Variants in GYS1 observed in about 807,000 individuals in gnomAD.
GYS1 encodes glycogen [starch] synthase, muscle.
A neutral mutation model predicts 89.1 loss-of-function variants in GYS1; 60 were observed. The ratio of observed to expected loss-of-function variants is 0.67; its 90% CI spans 0.55 to 0.84. GYS1 has a LOEUF of 0.84. Ranked by LOEUF, GYS1 falls within the 40% of genes least tolerant of loss-of-function variation. The pLI is 0.00. For missense variants in GYS1, 888 were observed against 1,003.1 expected (o/e 0.89, Z 1.55); for synonymous variants, 366 against 401.7 (o/e 0.91, Z 1.06).
chr19:48,985,713 G>A (rs2038832306), intron 4 of GYS1, 108 bp from the exon 5 acceptor site: 6 of 1,506,932 alleles, frequency 4.0e-6, no homozygotes, highest in Middle Eastern at 1.7e-4. Context: ...GGATTCCTGG[G>A]TCTGAGGTAG....
Position 48,978,125 on chromosome 19 carries a change from C to T in GYS1, c.1202G>A (p.Gly401Glu), listed in dbSNP as rs1056476850. The change falls in exon 9 of 16, where the codon GGG becomes GAG. Residue 401 changes from glycine to glutamate, a missense_variant. Physicochemically the swap from Gly to Glu is moderately conservative, Grantham distance 98 (BLOSUM62 -2). Coordinates refer to ENST00000323798, the MANE Select transcript of GYS1 (RefSeq NM_002103.5). The stretch of plus-strand genomic sequence containing the variant: ...CAGTAAGGATTCATAAAGCTTCCTC[C>T]CGAACTTTTCCTTCACCGTGTTGGC... ...DTANTVKEKF[G>E]RKLYESLLVG... The T allele has an allele frequency of 2.5e-6, 4 of 1,614,146 alleles. No individual in the cohort carries two copies. Among genetic ancestry groups the T allele is most frequent in the South Asian group, 2.2e-5 (2 of 91,090 alleles).
chr19:48,991,636 G>C lies in GYS1; in HGVS notation c.119-153C>G. The C allele has an allele frequency of 2.5e-6, 2 of 785,776 alleles. No individual in the cohort carries two copies. Among genetic ancestry groups the C allele is most frequent in the Admixed American group, 4.7e-5 (2 of 42,422 alleles). The allele number at this position is 785,776 out of a possible 1,614,324, so 48.7% of individuals were successfully genotyped here. ...TGGGAGCCCATAGTTTGGAGTAGGGGTTGGAAGCTTGGATGAGGGGAACAC... is the reference window on the plus strand; with the variant it reads ...TGGGAGCCCATAGTTTGGAGTAGGGCTTGGAAGCTTGGATGAGGGGAACAC... On this transcript the variant is annotated intron_variant, in intron 1 of 15. Transcript: ENST00000323798. This position sits in a 1 kb window ranked among gnomAD's most constrained non-coding sequence, Gnocchi z 4.7.
chr19:48,990,120 C>T (rs1387643736), intron 2 of GYS1, among the ~76,000 whole-genome samples: 2 of 152,054 alleles, frequency 1.3e-5, no homozygotes, highest in Non-Finnish European at 2.9e-5. Context: ...TTCCAGACCC[C>T]ACCCCAAACC....
At chr19:48,974,024 G>C (rs931205583) in intron 12 of GYS1, among the ~76,000 whole-genome samples, 189 bp downstream of exon 12, 21 of 152,200 alleles carry the variant, frequency 1.4e-4, no homozygotes, top group African/African-American at 5.1e-4. Context: ...TCAAAACCCA[G>C]TCTTCTAGTT....
chr19:48,982,597 TACCCAGGTGCCCCCTCCCTCAG>T (rs2038783850), intron 6 of GYS1, 101 bp downstream of exon 6: 4 of 874,858 alleles, frequency 4.6e-6, no homozygotes, highest in Admixed American at 1.9e-5. Flanking sequence ...GGAGGCCGAA[TACCCAGGTGCCCCCTCCCTCAG>T]ACCCAGGAGT....
In GYS1 at chr19:48,991,128, C is replaced by G. The variant is rs548661686; in HGVS notation, c.300+174G>C. On this transcript the variant is annotated intron_variant, in intron 2 of 15. Transcript: ENST00000323798. The surrounding 1 kb of genome is among the most constrained non-coding windows in gnomAD (Gnocchi z 4.7). ...CATTCGCCCATGTCTGGGATCCACC[C>G]ACCCACTTCCAGGCCCTGCATCTGT... 6.6e-6 allele frequency among the ~76,000 whole-genome samples: 1 copy of G among 152,226 alleles called. No homozygotes were observed. The highest frequency in any genetic ancestry group is 2.4e-5 in the African/African-American group (1 of 41,466).
At chr19:48,986,130 C>A in intron 3 of GYS1, 95 bp from the exon 4 acceptor site, 2 of 1,078,222 alleles carry the variant, frequency 1.9e-6, no homozygotes, top group Admixed American at 1.9e-5. Context: ...AGAGGTCAAT[C>A]TGTCACCACT....
chr19:48,969,887 G>A, intron 14 of GYS1, 32 bp from the exon 15 acceptor site: 1 of 1,509,168 alleles, frequency 6.6e-7, no homozygotes, highest in Non-Finnish European at 9.2e-7. Flanking sequence ...GGCAGAGGAT[G>A]TGAGAGCCAG....
At chr19:48,987,803 AT>A (rs981882179) in intron 2 of GYS1, among the ~76,000 whole-genome samples, 62 of 123,584 alleles carry the variant, frequency 5.0e-4, no homozygotes, top group Admixed American at 4.0e-4. Flanking sequence ...CACCTGGCTA[AT>A]TTTTTTTTTT....
chr19:48,969,295 C>A lies in GYS1; in HGVS notation c.2207G>T (p.Arg736Leu). ...GAGTGTGGTGGGGCGGACTTAGTTA[C>A]GCTCCTCGCCCAGGGAGCTGGTGGG... is the stretch of plus-strand genomic sequence containing the variant. ...LSPTSSLGEE[R>L]N Residue 736 changes from arginine (R) to leucine (L), a missense_variant, in exon 16 of 16, where the codon CGT (arginine) becomes CTT (leucine). Coordinates refer to ENST00000323798, the MANE Select transcript of GYS1 (RefSeq NM_002103.5). The A allele has an allele frequency of 6.4e-7, 1 of 1,553,026 alleles. No homozygotes were observed. Among genetic ancestry groups the A allele is most frequent in the Non-Finnish European group, 8.6e-7 (1 of 1,156,838 alleles).
At chr19:48,984,727 T>G (rs528292664) in intron 5 of GYS1, among the ~76,000 whole-genome samples, 49 of 151,888 alleles carry the variant, frequency 3.2e-4, no homozygotes, top group African/African-American at 1.1e-3. Context: ...AGGTTTGTAT[T>G]AAAATTAGCC....
intron 14 of GYS1, 39 bp downstream of exon 14, chr19:48,970,507 C>A: frequency 6.3e-7 from 1 of 1,586,918 alleles, no homozygotes; most frequent in South Asian, 1.1e-5. Context: ...CCAGGAGCTG[C>A]TGATTTGCCA....
rs1219432457 is a variant in GYS1, at chr19:48,978,159, T to C, written c.1170-2A>G. The C allele has an allele frequency of 3.7e-6, 6 of 1,613,214 alleles. No homozygotes were observed. Among genetic ancestry groups the C allele is most frequent in the Non-Finnish European group, 5.1e-6 (6 of 1,179,272 alleles). On this transcript the variant is annotated splice_acceptor_variant, in intron 8 of 15. Transcript: ENST00000323798. LOFTEE classifies it high-confidence loss of function. ...TCCTTCACCGTGTTGGCCGTGTCCC[T>C]GGAGGAAGCAGAGCAACAGGGTCAC...
In GYS1 at chr19:48,969,840, G is replaced by C. The variant is rs957644060; in HGVS notation, c.1825C>G (p.Arg609Gly). ...AAGGCCTTGGACAGCGCCATGTGGC[G>C]CGCAGACATATAGTACTAGGGGAAA... ...KYLGRYYMSARHMALSKAFPE... is the reference protein window; with the variant it reads ...KYLGRYYMSAGHMALSKAFPE... Residue 609 changes from arginine (R) to glycine (G), a missense_variant, in exon 15 of 16, where the codon CGC becomes GGC. Transcript: ENST00000323798. 1 of 1,613,396 alleles carries C rather than the reference G, an allele frequency of 6.2e-7. No homozygotes were observed. Among genetic ancestry groups the C allele is most frequent in the Non-Finnish European group, 8.5e-7 (1 of 1,179,584 alleles).
chr19:48,979,600 G>A (rs191444075), intron 8 of GYS1, among the ~76,000 whole-genome samples: 8 of 148,568 alleles, frequency 5.4e-5, no homozygotes, highest in Non-Finnish European at 1.0e-4. Flanking sequence ...GCCTCCCAAA[G>A]TGCTGGGATT....
At chr19:48,973,930 T>C (rs1309137967) in intron 12 of GYS1, among the ~76,000 whole-genome samples, 1 of 152,184 alleles carries the variant, frequency 6.6e-6, no homozygotes, top group Non-Finnish European at 1.5e-5. Flanking sequence ...TATTTGTGAA[T>C]TGTGCATTTC....
At chr19:48,974,842 G>C in intron 10 of GYS1, 109 bp from the exon 11 acceptor site, 1 of 721,164 alleles carries the variant, frequency 1.4e-6, no homozygotes, top group Non-Finnish European at 2.5e-6. Context: ...CAAATGCACC[G>C]GACGTGGGGC....
chr19:48,991,398 G>A lies in GYS1; in HGVS notation c.204C>T (p.Tyr68=). ...CCTGGGTCCTCACGCCCTGCTCCGT[G>A]TACGGCCCCACCAGGAAGTAGTTGT... ...WGDNYFLVGP[Y]TEQGVRTQVE... The change falls in exon 2 of 16, where the codon TAC becomes TAT. Residue 68 remains tyrosine (Y), a synonymous_variant. Coordinates refer to ENST00000323798, the MANE Select transcript of GYS1 (RefSeq NM_002103.5). The surrounding 1 kb of genome is among the most constrained non-coding windows in gnomAD (Gnocchi z 4.7). 6.2e-7 allele frequency: 1 copy of A among 1,614,138 alleles called. No homozygotes were observed. The highest frequency in any genetic ancestry group is 8.5e-7 in the Non-Finnish European group (1 of 1,180,048).
chr19:48,969,276 G>A lies in GYS1; in HGVS notation c.*12C>T, dbSNP rs1568614889. The A allele has an allele frequency of 1.3e-6, 2 of 1,533,798 alleles. No homozygotes were observed. Among genetic ancestry groups the A allele is most frequent in the South Asian group, 1.2e-5 (1 of 83,866 alleles). ...GAGAGGCAGGACAGGCGGGGAGTGTGGTGGGGCGGACTTAGTTACGCTCCT... is the reference window on the plus strand; with the variant it reads ...GAGAGGCAGGACAGGCGGGGAGTGTAGTGGGGCGGACTTAGTTACGCTCCT... On this transcript the variant is annotated 3_prime_UTR_variant, in exon 16 of 16. Coordinates refer to ENST00000323798, the MANE Select transcript of GYS1 (RefSeq NM_002103.5).
Sources: gnomAD v4.1 joint callset for allele counts (sites outside exome capture counted in the v4.1 genomes callset) on GRCh38, gnomAD v4.1.1 for gene constraint, Gnocchi (gnomAD v3.1) non-coding constraint, MANE v1.5 for transcripts, NCBI Gene and HGNC (gene_info 2026-07-23, HGNC 2026-07-21) for gene names.